Variants in MECOM observed in about 807,000 individuals in gnomAD.
MECOM encodes the protein MDS1 and EVI1 complex locus.
A neutral mutation model predicts 116.3 loss-of-function variants in MECOM; 13 were observed. That is an observed-to-expected ratio of 0.11 (90% CI 0.07 to 0.18). MECOM has a LOEUF of 0.18. MECOM is among the 10% of genes least tolerant of loss of function. MECOM has a pLI of 1.00. For synonymous variants in MECOM, 528 were observed against 535.2 expected (o/e 0.99, Z 0.19); for missense variants, 1,299 against 1,509.0 (o/e 0.86, Z 2.31).
At chr3:169,217,221 C>G (rs576254317) in intron 2 of MECOM, among the ~76,000 whole-genome samples, 1 of 152,176 alleles carries the variant, frequency 6.6e-6, no homozygotes, top group East Asian at 1.9e-4. Flanking sequence ...CAGAGAATTC[C>G]CACCTCTTGC....
chr3:169,143,944 A>G (rs1212793417), intron 2 of MECOM, 112 bp from the exon 3 acceptor site: 1 of 1,244,830 alleles, frequency 8.0e-7, no homozygotes, highest in African/African-American at 1.5e-5. Flanking sequence ...GGATCCTTAA[A>G]AAAAGTCAGA....
chr3:169,277,919 T>G (rs1298787761), intron 2 of MECOM, among the ~76,000 whole-genome samples: 1 of 152,200 alleles, frequency 6.6e-6, no homozygotes, highest in African/African-American at 2.4e-5. Context: ...ATCCATTCCA[T>G]TAATCATGGA....
intron 9 of MECOM, among the ~76,000 whole-genome samples, chr3:169,112,283 G>T (rs890951651): frequency 6.6e-6 from 1 of 152,116 alleles, no homozygotes; most frequent in African/African-American, 2.4e-5. Flanking sequence ...GCATTGTGGT[G>T]AATTCTTGTG....
At chr3:169,147,303 C>G in intron 2 of MECOM, 1 of 985,578 alleles carries the variant, frequency 1.0e-6, no homozygotes, top group Non-Finnish European at 1.2e-6. Flanking sequence ...CTCCGCAGCG[C>G]CTTCGCGGGT....
At chr3:169,092,896 T>A (rs1720207564) in intron 14 of MECOM, 62 bp downstream of exon 14, 6 of 1,599,408 alleles carry the variant, frequency 3.8e-6, no homozygotes, top group Non-Finnish European at 5.1e-6. Flanking sequence ...GCATAGCAAG[T>A]ATATTTTAAA....
intron 1 of MECOM, among the ~76,000 whole-genome samples, chr3:169,424,465 T>TA (rs1257318002): frequency 6.6e-6 from 1 of 152,080 alleles, no homozygotes; most frequent in Non-Finnish European, 1.5e-5. Context: ...CCAGTTAGTC[T>TA]AAAAAAGTCA....
At chr3:169,645,401 C>T (rs1216740764) in intron 1 of MECOM, among the ~76,000 whole-genome samples, 2 of 152,128 alleles carry the variant, frequency 1.3e-5, no homozygotes, top group South Asian at 2.1e-4. Flanking sequence ...TTCTAGAAAA[C>T]CAAAAGACAA....
intron 2 of MECOM, among the ~76,000 whole-genome samples, chr3:169,216,904 C>T (rs866516787): frequency 2.7e-5 from 3 of 111,522 alleles, no homozygotes; most frequent in African/African-American, 9.3e-5. Flanking sequence ...ACCATTTACA[C>T]GGAGTTACTT....
chr3:169,649,841 C>T (rs1303819973), intron 1 of MECOM, among the ~76,000 whole-genome samples: 2 of 152,098 alleles, frequency 1.3e-5, no homozygotes, highest in Admixed American at 6.5e-5. Flanking sequence ...ATTTTAATTC[C>T]TTGAATGGTA....
At position 169,640,734 on chromosome 3, in the gene MECOM, G is replaced by T. The variant is rs145280742; in HGVS notation, c.37+22602C>A. ...TATAGAGGTGATGTCAATGTCCAAGGTCTCAGAGCTACGAAGTAGTAGACA... is the reference window on the plus strand; with the variant it reads ...TATAGAGGTGATGTCAATGTCCAAGTTCTCAGAGCTACGAAGTAGTAGACA... On this transcript the variant is annotated intron_variant, in intron 1 of 16. Transcript: ENST00000651503. Among the ~76,000 whole-genome samples, 275 of 152,268 alleles carry T rather than the reference G, an allele frequency of 1.8e-3. 2 individuals are homozygous for T. The highest frequency in any genetic ancestry group is 6.4e-3 in the African/African-American group (266 of 41,534).
intron 1 of MECOM, among the ~76,000 whole-genome samples, chr3:169,497,404 A>C (rs1753949717): frequency 6.7e-6 from 1 of 150,196 alleles, no homozygotes; most frequent in Non-Finnish European, 1.5e-5. Context: ...GGAGTGCAGT[A>C]GTGTGATCTC....
At chr3:169,527,353 T>A (rs1220480143) in intron 1 of MECOM, among the ~76,000 whole-genome samples, 1 of 152,236 alleles carries the variant, frequency 6.6e-6, no homozygotes, top group African/African-American at 2.4e-5. Flanking sequence ...ACTCCATGTA[T>A]CACTATAGCA....
At chr3:169,601,067 T>C (rs1195087873) in intron 1 of MECOM, among the ~76,000 whole-genome samples, 1 of 152,222 alleles carries the variant, frequency 6.6e-6, no homozygotes, top group Non-Finnish European at 1.5e-5. Flanking sequence ...TCTAAAGTTA[T>C]TTGTGGTCAA....
At chr3:169,352,597 C>G (rs896826461) in intron 2 of MECOM, among the ~76,000 whole-genome samples, 2 of 151,772 alleles carry the variant, frequency 1.3e-5, no homozygotes, top group Non-Finnish European at 2.9e-5. Flanking sequence ...AATTTTATTC[C>G]ACCACTAAAA....
chr3:169,663,437 C>T lies in MECOM; in HGVS notation c.-65G>A, dbSNP rs988048673. On this transcript the variant is annotated 5_prime_UTR_variant, in exon 1 of 17. Coordinates refer to ENST00000651503, the MANE Select transcript of MECOM (RefSeq NM_004991.4). ...CTTTTTTTTCTTGGATCCTTTCCTT[C>T]TTTTGCTCTCCCTCTCGCTCCCTCC... 1.4e-5 allele frequency: 21 copies of T among 1,522,286 alleles called. No individual in the cohort carries two copies. The highest frequency in any genetic ancestry group is 1.7e-5 in the Non-Finnish European group (19 of 1,117,646). 94.3% of individuals were successfully genotyped at this position (1,522,286 alleles called of 1,614,324 possible).
chr3:169,154,735 G>C (rs957543), intron 2 of MECOM, among the ~76,000 whole-genome samples: 1 of 152,094 alleles, frequency 6.6e-6, no homozygotes. Flanking sequence ...AGAGGATATA[G>C]GATATAGTCA....
At chr3:169,470,198 G>C (rs1748977283) in intron 1 of MECOM, 1 of 152,172 alleles carries the variant, frequency 6.6e-6, no homozygotes. Flanking sequence ...AAATTAGAAG[G>C]TAAGAGAGCA....
At chr3:169,207,867 G>A (rs1371490722) in intron 2 of MECOM, among the ~76,000 whole-genome samples, 1 of 152,226 alleles carries the variant, frequency 6.6e-6, no homozygotes, top group African/African-American at 2.4e-5. Context: ...AAACTTAGAA[G>A]CAGCTCTTGT....
intron 2 of MECOM, among the ~76,000 whole-genome samples, chr3:169,149,077 CTTTTTTTT>C (rs60870748): frequency 2.6e-5 from 3 of 115,118 alleles, no homozygotes; most frequent in African/African-American, 9.4e-5. Flanking sequence ...TCGGAGCTTT[CTTTTTTTT>C]TTTTTTTTTT....
Sources: allele counts gnomAD v4.1 joint callset (sites outside exome capture counted in the v4.1 genomes callset), GRCh38; gene constraint gnomAD v4.1.1; transcripts MANE v1.5; gene names NCBI Gene and HGNC (gene_info 2026-07-23, HGNC 2026-07-21).